DSCC1: variants seen among roughly 807,000 people sequenced by gnomAD.
DSCC1 encodes DNA replication and sister chromatid cohesion 1.
A neutral mutation model predicts 48.2 loss-of-function variants in DSCC1; 32 were observed. The observed-to-expected ratio is 0.66, with a 90% CI of 0.50 to 0.89. DSCC1 has a LOEUF of 0.89. Ranked by LOEUF, DSCC1 falls within the 40% of genes least tolerant of loss-of-function variation. DSCC1 has a pLI of 0.00. For missense variants in DSCC1, 421 were observed against 471.7 expected, an observed-to-expected ratio of 0.89 and a Z score of 1.00; for synonymous variants, 150 against 171.5, an observed-to-expected ratio of 0.87 and a Z score of 0.98.
At chr8:119,850,258 C>CT (rs537948415) in intron 3 of DSCC1, 124 bp downstream of exon 3, 2 of 1,019,884 alleles carry the variant, frequency 2.0e-6, no homozygotes, top group African/African-American at 1.7e-5. Context: ...AATTTTATAA[C>CT]TTTTTTAACA....
In DSCC1 at chr8:119,843,889, AT is replaced by A. The variant is rs1826812007; in HGVS notation, c.578-143del. The stretch of plus-strand genomic sequence containing the variant: ...CCTCCTGGTTTCAAGCAATTCTGCC[AT>A]CTCAGTCTCCTGAGCAGCTGGGACT... On this transcript the variant is annotated intron_variant, in intron 4 of 8. Transcript: ENST00000313655. 3.8e-6 allele frequency: 3 copies of A among 785,868 alleles called. No homozygotes were observed. In the East Asian group the frequency reaches 8.0e-5, roughly 21 times the overall value. The allele number at this position is 785,868 out of a possible 1,614,324, so 48.7% of individuals were successfully genotyped here.
At chr8:119,851,008 A>ATCTT (rs1405110761) in intron 2 of DSCC1, among the ~76,000 whole-genome samples, 1 of 152,322 alleles carries the variant, frequency 6.6e-6, no homozygotes, top group Admixed American at 6.5e-5. Context: ...TTAATACAAG[A>ATCTT]TCTTTCTAAT....
chr8:119,849,736 C>G (rs980912338), intron 3 of DSCC1, among the ~76,000 whole-genome samples: 13 of 152,144 alleles, frequency 8.5e-5, no homozygotes, highest in Non-Finnish European at 1.8e-4. Flanking sequence ...TACTTTAAAA[C>G]TGGTGAATTG....
intron 3 of DSCC1, among the ~76,000 whole-genome samples, chr8:119,848,243 G>A (rs1826890771): frequency 2.0e-5 from 3 of 152,080 alleles, no homozygotes; most frequent in African/African-American, 7.2e-5. Context: ...GATTACAGGT[G>A]TGAACCATTG....
intron 7 of DSCC1, 53 bp downstream of exon 7, chr8:119,841,740 CA>C: frequency 6.3e-7 from 1 of 1,581,016 alleles, no homozygotes; most frequent in Non-Finnish European, 8.6e-7. Flanking sequence ...AAGTATCATT[CA>C]CCTAGTAATT....
In DSCC1 at chr8:119,838,251, T is replaced by C; in HGVS notation, c.1073+8A>G. ...ACCCTCAAAATCCGTCTTTAATAAATTACTTACTGAATATATGGAGCAATA... is the reference window on the plus strand; with the variant it reads ...ACCCTCAAAATCCGTCTTTAATAAACTACTTACTGAATATATGGAGCAATA... On this transcript the variant is annotated splice_region_variant and intron_variant, in intron 8 of 8. Coordinates refer to ENST00000313655, the MANE Select transcript of DSCC1 (RefSeq NM_024094.3). 1 of 1,549,112 alleles carries C rather than the reference T, an allele frequency of 6.5e-7. No homozygotes were observed. Among genetic ancestry groups the C allele is most frequent in the Non-Finnish European group, 8.7e-7 (1 of 1,154,456 alleles).
rs1826716800 is a variant in DSCC1, at chr8:119,838,326, C to T, written c.1006G>A (p.Glu336Lys). 2.5e-6 allele frequency: 4 copies of T among 1,610,252 alleles called. No individual in the cohort carries two copies. Among genetic ancestry groups the T allele is most frequent in the Non-Finnish European group, 3.4e-6 (4 of 1,178,548 alleles). The change falls in exon 8 of 9, where the codon GAA becomes AAA. Residue 336 changes from glutamate (E) to lysine (K), a missense_variant. Around this residue, in one of 3 missense-constraint regions of DSCC1, gnomAD observed 238 missense variants for 259.0 expected, o/e 0.92. Transcript: ENST00000313655. Reference sequence around the variant, plus strand: ...AGAGAGAAAAGGCTATTAAAACGTTCCTGATTATCCTCAGGTAAATCATCT... The same window carrying T: ...AGAGAGAAAAGGCTATTAAAACGTTTCTGATTATCCTCAGGTAAATCATCT... ...KVDDLPEDNQ[E>K]RFNSLFSLRE... is the part of the protein sequence containing the mutation.
rs907207270 is a variant in DSCC1, at chr8:119,852,590, G to C, written c.351+457C>G. On this transcript the variant is annotated intron_variant, in intron 2 of 8. Coordinates refer to ENST00000313655, the MANE Select transcript of DSCC1 (RefSeq NM_024094.3). ...GGCTAGTCTCAAACTCCTGAGGTCCGACAATCGGCACACCTTGGCCTCCCA... is the reference window on the plus strand; with the variant it reads ...GGCTAGTCTCAAACTCCTGAGGTCCCACAATCGGCACACCTTGGCCTCCCA... 2.6e-5 allele frequency among the ~76,000 whole-genome samples: 4 copies of C among 152,050 alleles called. No individual in the cohort carries two copies. The South Asian group carries it at 8.3e-4, about 31-fold the overall frequency.
chr8:119,843,761 A>C lies in DSCC1; in HGVS notation c.578-14T>G. On this transcript the variant is annotated splice_polypyrimidine_tract_variant and intron_variant, in intron 4 of 8. Coordinates refer to ENST00000313655, the MANE Select transcript of DSCC1 (RefSeq NM_024094.3). ...TCCTCCAATAACCTACAAATTTCAA[A>C]AGTTATATTTACCAAAGAACTTTTT... 2 of 1,598,530 alleles carry C rather than the reference A, an allele frequency of 1.3e-6. No individual in the cohort carries two copies. The highest frequency in any genetic ancestry group is 1.1e-5 in the South Asian group (1 of 87,190).
intron 1 of DSCC1, among the ~76,000 whole-genome samples, chr8:119,853,950 C>A (rs1026485953): frequency 6.6e-6 from 1 of 152,232 alleles, no homozygotes; most frequent in African/African-American, 2.4e-5. Flanking sequence ...TGGCTCATGC[C>A]TGTAATCCTA....
intron 1 of DSCC1, among the ~76,000 whole-genome samples, chr8:119,853,786 T>A (rs1300159781): frequency 6.6e-6 from 1 of 152,178 alleles, no homozygotes; most frequent in Non-Finnish European, 1.5e-5. Flanking sequence ...AAGGAGCACA[T>A]CCTGGCCTAA....
intron 1 of DSCC1, among the ~76,000 whole-genome samples, chr8:119,854,139 G>C (rs1328123992): frequency 6.6e-6 from 1 of 152,078 alleles, no homozygotes; most frequent in Admixed American, 6.5e-5. Flanking sequence ...CTGACCCCAA[G>C]TAGTCATGGC....
chr8:119,852,555 G>A (rs908020794), intron 2 of DSCC1, among the ~76,000 whole-genome samples: 20 of 152,192 alleles, frequency 1.3e-4, no homozygotes, highest in African/African-American at 3.4e-4. Flanking sequence ...GGGTTTTACC[G>A]TGTTGCCCAG....
chr8:119,847,885 G>A lies in DSCC1; in HGVS notation c.487-805C>T, dbSNP rs750089211. 7.3e-5 allele frequency among the ~76,000 whole-genome samples: 11 copies of A among 151,406 alleles called. 1 individual carries two copies. Among genetic ancestry groups the A allele is most frequent in the African/African-American group, 1.9e-4 (8 of 41,180 alleles). On this transcript the variant is annotated intron_variant, in intron 3 of 8. Transcript: ENST00000313655. ...TCTCCGTGTAGGTCAGGCTGGTCTCGAACTCCCGACCTCAGGTGATCTGCC... is the reference window on the plus strand; with the variant it reads ...TCTCCGTGTAGGTCAGGCTGGTCTCAAACTCCCGACCTCAGGTGATCTGCC...
chr8:119,838,505 T>C, intron 7 of DSCC1, 98 bp from the exon 8 acceptor site: 1 of 1,353,534 alleles, frequency 7.4e-7, no homozygotes, highest in East Asian at 2.6e-5. Flanking sequence ...GCTCAAGATA[T>C]TCAAAATGTC....
intron 7 of DSCC1, chr8:119,838,707 A>C (rs1205257196): frequency 3.1e-5 from 7 of 227,614 alleles, no homozygotes; most frequent in Non-Finnish European, 5.9e-5. Flanking sequence ...TCTTGGATTC[A>C]TCGTGTTAGC....
rs367780001 is a variant in DSCC1, at chr8:119,850,451, C to A, written c.417G>T (p.Lys139Asn). Residue 139 changes from lysine (K) to asparagine (N), a missense_variant, in exon 3 of 9, where the codon AAG becomes AAT. Coordinates refer to ENST00000313655, the MANE Select transcript of DSCC1 (RefSeq NM_024094.3). Reference protein sequence around the residue: ...RRRRPKLKKLKKLLMENPYEG... With the variant: ...RRRRPKLKKLNKLLMENPYEG... ...CATATGGATTTTCCATCAAAAGTTT[C>A]TTTAGCTTCTTTAACTTGGGTCTAC... 3.2e-5 allele frequency: 51 copies of A among 1,601,766 alleles called. No individual in the cohort carries two copies. The highest frequency in any genetic ancestry group is 4.1e-5 in the African/African-American group (3 of 74,046).
rs986113506 is a variant in DSCC1, at chr8:119,855,819, C to T, written c.-24G>A. 7.0e-7 allele frequency: 1 copy of T among 1,435,868 alleles called. No individual in the cohort carries two copies. Among genetic ancestry groups the T allele is most frequent in the Admixed American group, 2.8e-5 (1 of 35,572 alleles). The allele number at this position is 1,435,868 out of a possible 1,614,324, so 88.9% of individuals were successfully genotyped here. A position where few individuals can be genotyped will look rare whatever the true frequency, so the allele number is the denominator to read the frequency against. ...ATCGCAGCGCCGGGTCTAGGAGTCC[C>T]GCCGCGCCCGGGTGGCTGCGGGCTT... On this transcript the variant is annotated 5_prime_UTR_variant, in exon 1 of 9. Transcript: ENST00000313655.
At chr8:119,836,408 G>T (rs769366000) in intron 8 of DSCC1, among the ~76,000 whole-genome samples, 1 of 152,134 alleles carries the variant, frequency 6.6e-6, no homozygotes, top group Non-Finnish European at 1.5e-5. Context: ...TATTTAAACA[G>T]TATAAGAAGG....
Sources: allele counts gnomAD v4.1 joint callset (sites outside exome capture counted in the v4.1 genomes callset), GRCh38; gene constraint gnomAD v4.1.1; regional missense constraint gnomAD v4.1.1; transcripts MANE v1.5; gene names NCBI Gene and HGNC (gene_info 2026-07-23, HGNC 2026-07-21).